PRRC2A: variants seen among roughly 807,000 people sequenced by gnomAD.
PRRC2A encodes the protein proline rich coiled-coil 2A.
A neutral mutation model predicts 224.6 loss-of-function variants in PRRC2A; 59 were observed. The observed-to-expected ratio is 0.26, with a 90% CI of 0.21 to 0.33. PRRC2A has a LOEUF of 0.33. Ranked by LOEUF, PRRC2A falls within the 10% of genes least tolerant of loss-of-function variation. The probability of loss-of-function intolerance (pLI) is 1.00; values close to 1 mark genes in which losing one functional copy is unlikely to be tolerated. For synonymous variants in PRRC2A, 1,194 were observed against 1,109.5 expected (o/e 1.08, Z -1.51); for missense variants, 3,095 against 2,880.7 (o/e 1.07, Z -1.70).
At chr6:31,629,877 A>C in intron 14 of PRRC2A, 32 bp downstream of exon 14, 3 of 1,609,522 alleles carry the variant, frequency 1.9e-6, no homozygotes, top group South Asian at 1.1e-5. Context: ...GAGAAACAGG[A>C]AAGTCCCCTC....
In PRRC2A at chr6:31,630,659, G is replaced by A; in HGVS notation, c.2323G>A (p.Ala775Thr). ...AGAGCCATTTGACCGTCATGCACCT[G>A]CTATGTTACGGGAACGGGGCACTCC... ...SSEPFDRHAPAMLRERGTPPV... is the reference protein window; with the variant it reads ...SSEPFDRHAPTMLRERGTPPV... Residue 775 changes from alanine to threonine, a missense_variant, in exon 15 of 31, where the codon GCT (alanine) becomes ACT (threonine). By Grantham distance (58) the Ala-to-Thr change is moderately conservative (BLOSUM62 0). Coordinates refer to ENST00000376033, the MANE Select transcript of PRRC2A (RefSeq NM_004638.4). 2 of 1,614,104 alleles carry A rather than the reference G, an allele frequency of 1.2e-6. No homozygotes were observed. The highest frequency in any genetic ancestry group is 1.6e-4 in the Middle Eastern group (1 of 6,062).
Position 31,622,917 on chromosome 6 carries a change from AG to A in PRRC2A, c.112+17del, listed in dbSNP as rs1561791823. 3.1e-6 allele frequency: 5 copies of A among 1,600,098 alleles called. No homozygotes were observed. In the Admixed American group the frequency reaches 8.3e-5, roughly 27 times the overall value. On this transcript the variant is annotated intron_variant, in intron 2 of 30. Coordinates refer to ENST00000376033, the MANE Select transcript of PRRC2A (RefSeq NM_004638.4). ...AAACCCGCTGGTGAGAGTCCTGCAAAGATGCTTCTGATGGTTGAAAGCTAGG... is the reference window on the plus strand; with the variant it reads ...AAACCCGCTGGTGAGAGTCCTGCAAAATGCTTCTGATGGTTGAAAGCTAGG...
rs116072273 is a variant in PRRC2A at position 31,629,154 on chromosome 6, A to G, written c.1776A>G (p.Gln592=). ...GSFEASPVEP[Q]LPSKEGPEPP... is the part of the protein sequence containing the mutation. ...TTTTTTCCGATGCAGTGGAACCACA[A>G]CTGCCCTCAAAAGAGGGTCCTGAAC... Residue 592 remains glutamine (Q), a synonymous_variant, in exon 13 of 31, where the codon CAA becomes CAG. Transcript: ENST00000376033. 112 of 1,614,012 alleles carry G rather than the reference A, an allele frequency of 6.9e-5. No individual in the cohort carries two copies. The African/African-American group carries it at 7.6e-4, about 11-fold the overall frequency.
rs150916576 is a variant in PRRC2A at position 31,632,538 on chromosome 6, G to T, written c.3865G>T (p.Ala1289Ser). 2.7e-4 allele frequency: 431 copies of T among 1,610,372 alleles called. 2 individuals carry two copies. The East Asian group carries it at 8.7e-3, about 33-fold the overall frequency. The change falls in exon 16 of 31, where the codon GCC becomes TCC. Residue 1289 changes from alanine (A) to serine (S), a missense_variant. Around this residue, in one of 8 missense-constraint regions of PRRC2A, gnomAD observed 2,001 missense variants for 1,764.9 expected, o/e 1.13. Transcript: ENST00000376033. ...AGCCTCCGCTCCTGGACCTGAGGAG[G>T]CCCTCACAACAGTCACAGTGGCCCC... ...LPASAPGPEE[A>S]LTTVTVAPAP... is the part of the protein sequence containing the mutation.
At position 31,625,373 on chromosome 6, in the gene PRRC2A, C is replaced by T. The variant is rs1333901800; in HGVS notation, c.607+59C>T. ...ATTGCATCTCAGAGCTAGGTGCTGG[C>T]TTATTCACCTTCCTCCCCATCACTT... On this transcript the variant is annotated intron_variant, in intron 6 of 30. Coordinates refer to ENST00000376033, the MANE Select transcript of PRRC2A (RefSeq NM_004638.4). The surrounding 1 kb of genome is among the most constrained non-coding windows in gnomAD (Gnocchi z 4.1). 1 of 1,613,356 alleles carries T rather than the reference C, an allele frequency of 6.2e-7. No individual in the cohort carries two copies. Among genetic ancestry groups the T allele is most frequent in the African/African-American group, 1.3e-5 (1 of 74,930 alleles).
In PRRC2A at chr6:31,630,617, A is replaced by G; in HGVS notation, c.2281A>G (p.Ser761Gly). The change falls in exon 15 of 31, where the codon AGT becomes GGT. Residue 761 changes from serine (S) to glycine (G), a missense_variant. Ser to Gly is a moderately conservative substitution (Grantham distance 56). This residue lies in a region of PRRC2A where 2,001 missense variants were observed against 1,764.9 expected (regional missense o/e 1.13). Coordinates refer to ENST00000376033, the MANE Select transcript of PRRC2A (RefSeq NM_004638.4). ...CCTAGTTCCCCGAGAGCGTTCAGAC[A>G]GTGGGGGCTCAAGCTCAGAGCCATT... ...SGLVPRERSD[S>G]GGSSSEPFDR... 6.8e-6 allele frequency: 11 copies of G among 1,613,898 alleles called. No homozygotes were observed. Among genetic ancestry groups the G allele is most frequent in the African/African-American group, 1.3e-5 (1 of 74,950 alleles).
In PRRC2A at chr6:31,628,139, C is replaced by G; in HGVS notation, c.1665C>G (p.Ala555=). 1 of 1,613,158 alleles carries G rather than the reference C, an allele frequency of 6.2e-7. No homozygotes were observed. Among genetic ancestry groups the G allele is most frequent in the Non-Finnish European group, 8.5e-7 (1 of 1,180,030 alleles). ...AAGAGCCAGCACAGGCCCCTCCTGCCCAATCTACTCCTACTCCAGGTGTGG... is the reference window on the plus strand; with the variant it reads ...AAGAGCCAGCACAGGCCCCTCCTGCGCAATCTACTCCTACTCCAGGTGTGG... The part of the protein sequence containing the change: ...EPEEPAQAPP[A]QSTPTPGVAA... Residue 555 remains alanine (A), a synonymous_variant, in exon 12 of 31, where the codon GCC becomes GCG. Transcript: ENST00000376033.
chr6:31,624,739 T>C (rs1775700888), intron 5 of PRRC2A, among the ~76,000 whole-genome samples: 2 of 152,164 alleles, frequency 1.3e-5, no homozygotes, highest in South Asian at 4.1e-4. Flanking sequence ...TAAGCAGTTA[T>C]TCTGTAGGGG....
intron 15 of PRRC2A, 82 bp downstream of exon 15, chr6:31,630,883 G>A (rs1583209364): frequency 1.3e-6 from 2 of 1,505,920 alleles, no homozygotes; most frequent in Admixed American, 1.9e-5. Context: ...GTTAGTGGTA[G>A]GGATAGGGAT....
intron 16 of PRRC2A, 94 bp from the exon 17 acceptor site, chr6:31,633,285 A>G: frequency 6.6e-7 from 1 of 1,511,750 alleles, no homozygotes; most frequent in Middle Eastern, 1.8e-4. Flanking sequence ...TTAATAGGGA[A>G]GAGAATAGGT....
At position 31,627,044 on chromosome 6, in the gene PRRC2A, A is replaced by G. The variant is rs754267223; in HGVS notation, c.1136A>G (p.Asn379Ser). The G allele has an allele frequency of 1.9e-6, 3 of 1,613,848 alleles. No homozygotes were observed. The highest frequency in any genetic ancestry group is 2.2e-5 in the East Asian group (1 of 44,874). The stretch of plus-strand genomic sequence containing the variant: ...CCTGAAGCAGATGGCAAAAAGGGCA[A>G]CTCCCCCAACAGCGAACCGCCCACT... Reference protein sequence around the residue: ...RPPEADGKKGNSPNSEPPTPK... With the variant: ...RPPEADGKKGSSPNSEPPTPK... Residue 379 changes from asparagine to serine, a missense_variant, in exon 11 of 31, where the codon AAC becomes AGC. By Grantham distance (46) the Asn-to-Ser change is conservative. Around this residue, in one of 8 missense-constraint regions of PRRC2A, gnomAD observed 2,001 missense variants for 1,764.9 expected, o/e 1.13. Transcript: ENST00000376033. The surrounding 1 kb of genome is among the most constrained non-coding windows in gnomAD (Gnocchi z 5.6).
At chr6:31,633,076 G>A (rs1362630829) in intron 16 of PRRC2A, 84 bp downstream of exon 16, 2 of 1,420,566 alleles carry the variant, frequency 1.4e-6, no homozygotes, top group Non-Finnish European at 1.8e-6. Flanking sequence ...TTTGGGTGGA[G>A]TGGAGATTGT....
chr6:31,622,109 A>T (rs1415751438), intron 1 of PRRC2A, among the ~76,000 whole-genome samples: 1 of 152,202 alleles, frequency 6.6e-6, no homozygotes, highest in Non-Finnish European at 1.5e-5. Context: ...GTACAGCCCT[A>T]GTTGTTCTAT....
In PRRC2A at chr6:31,637,059, A is replaced by G. The variant is rs770439389; in HGVS notation, c.6165A>G (p.Leu2055=). 60 of 1,607,166 alleles carry G rather than the reference A, an allele frequency of 3.7e-5. No individual in the cohort carries two copies. Among genetic ancestry groups the G allele is most frequent in the Non-Finnish European group, 3.7e-5 (44 of 1,177,044 alleles). The change falls in exon 29 of 31, where the codon CTA becomes CTG. Residue 2055 remains leucine, a synonymous_variant. Coordinates refer to ENST00000376033, the MANE Select transcript of PRRC2A (RefSeq NM_004638.4). ...CCCCTCAGCTGCATCCAGTGGAACTAAAGCCGTTCCAGGATTATCAAAAAC... is the reference window on the plus strand; with the variant it reads ...CCCCTCAGCTGCATCCAGTGGAACTGAAGCCGTTCCAGGATTATCAAAAAC... The part of the protein sequence containing the change: ...LGRAELHPVE[L]KPFQDYQKLS...
At chr6:31,635,770 C>G in intron 24 of PRRC2A, 21 bp downstream of exon 24, 1 of 1,564,134 alleles carries the variant, frequency 6.4e-7, no homozygotes, top group Non-Finnish European at 8.6e-7. Context: ...CTTCCCATTG[C>G]ATGACCCCTT....
Position 31,629,565 on chromosome 6 carries a change from G to T in PRRC2A, c.1974G>T (p.Gln658His), listed in dbSNP as rs754166656. 114 of 1,583,212 alleles carry T rather than the reference G, an allele frequency of 7.2e-5. No homozygotes were observed. The highest frequency in any genetic ancestry group is 9.6e-5 in the Non-Finnish European group (111 of 1,153,140). The change falls in exon 14 of 31, where the codon CAG becomes CAT. Residue 658 changes from glutamine (Q) to histidine (H), a missense_variant. By Grantham distance (24) the Gln-to-His change is conservative. Transcript: ENST00000376033. Reference sequence around the variant, plus strand: ...TTTCCTAGGAGCAGCTCCTGAAGCAGCAGCAGCAGCACCAGTGGCAGCAGC... The same window carrying T: ...TTTCCTAGGAGCAGCTCCTGAAGCATCAGCAGCAGCACCAGTGGCAGCAGC... The part of the protein sequence containing the change: ...QRQQQEQLLK[Q>H]QQQHQWQQHQ...
In PRRC2A at chr6:31,631,343, T is replaced by TGGGGGGCCCCCA; in HGVS notation, c.2671_2672insGGGGGCCCCCAG (p.Thr890_Ala891insGlyGlyProPro). ...AGAAGGAGCCCCCTAAGGAGGAGACTGCACAGCTGACGGGGCCAGAAGCAG... is the reference window on the plus strand; with the variant it reads ...AGAAGGAGCCCCCTAAGGAGGAGACTGGGGGGCCCCCAGCACAGCTGACGGGGCCAGAAGCAG... On this transcript the variant is annotated inframe_insertion, in exon 16 of 31. Transcript: ENST00000376033. This position sits in a 1 kb window ranked among gnomAD's most constrained non-coding sequence, Gnocchi z 4.5. 1 of 1,602,576 alleles carries TGGGGGGCCCCCA rather than the reference T, an allele frequency of 6.2e-7. No individual in the cohort carries two copies. The highest frequency in any genetic ancestry group is 1.1e-5 in the South Asian group (1 of 89,956).
intron 13 of PRRC2A, 105 bp downstream of exon 13, chr6:31,629,439 T>C: frequency 6.9e-7 from 1 of 1,456,266 alleles, no homozygotes; most frequent in South Asian, 1.3e-5. Context: ...CTTTGTCCAG[T>C]TGTCTCCATT....
In PRRC2A at chr6:31,631,414, C is replaced by A. The variant is rs1427616029; in HGVS notation, c.2741C>A (p.Pro914Gln). 1 of 1,609,410 alleles carries A rather than the reference C, an allele frequency of 6.2e-7. No individual in the cohort carries two copies. Among genetic ancestry groups the A allele is most frequent in the Non-Finnish European group, 8.5e-7 (1 of 1,178,726 alleles). Residue 914 changes from proline (P) to glutamine (Q), a missense_variant, in exon 16 of 31, where the codon CCA (proline) becomes CAA (glutamine). Around this residue, in one of 8 missense-constraint regions of PRRC2A, gnomAD observed 2,001 missense variants for 1,764.9 expected, o/e 1.13. Transcript: ENST00000376033. This position sits in a 1 kb window ranked among gnomAD's most constrained non-coding sequence, Gnocchi z 4.5. Reference protein sequence around the residue: ...RGVGSGGQGPPPPRRESRTET... With the variant: ...RGVGSGGQGPQPPRRESRTET... ...GTCGGGAGTGGAGGCCAGGGCCCCC[C>A]ACCACCACGCAGAGAGAGTCGCACA...
Sources: gnomAD v4.1 joint callset for allele counts (sites outside exome capture counted in the v4.1 genomes callset) on GRCh38, gnomAD v4.1.1 for gene constraint, gnomAD v4.1.1 regional missense constraint, Gnocchi (gnomAD v3.1) non-coding constraint, MANE v1.5 for transcripts, NCBI Gene and HGNC (gene_info 2026-07-23, HGNC 2026-07-21) for gene names.